Variants in PPP1R12B observed in about 807,000 individuals in gnomAD.
PPP1R12B encodes myosin phosphatase target subunit 2.
PPP1R12B carries 76 observed loss-of-function variants against 126.1 expected under a neutral mutation model. The ratio of observed to expected loss-of-function variants is 0.60; its 90% confidence interval spans 0.50 to 0.73. PPP1R12B has a LOEUF of 0.73. Ranked by LOEUF, PPP1R12B falls within the 30% of genes least tolerant of loss-of-function variation. The pLI, the probability that PPP1R12B is intolerant of heterozygous loss-of-function variation, is 0.00. For synonymous variants in PPP1R12B, 356 were observed against 434.7 expected, an observed-to-expected ratio of 0.82 and a Z score of 2.25; for missense variants, 1,052 against 1,205.1, an observed-to-expected ratio of 0.87 and a Z score of 1.88.
chr1:202,412,664 G>A (rs1486450588), intron 1 of PPP1R12B, among the ~76,000 whole-genome samples: 1 of 152,164 alleles, frequency 6.6e-6, no homozygotes, highest in Non-Finnish European at 1.5e-5. Flanking sequence ...GGTTTAGACG[G>A]CACATTTGAC....
chr1:202,545,249 A>G (rs1432006555), intron 18 of PPP1R12B, among the ~76,000 whole-genome samples: 1 of 152,204 alleles, frequency 6.6e-6, no homozygotes, highest in African/African-American at 2.4e-5. Flanking sequence ...AATAGCAGTA[A>G]TTGTTCAGCC....
intron 23 of PPP1R12B, chr1:202,575,046 C>T (rs370577381): frequency 1.3e-5 from 21 of 1,613,364 alleles, no homozygotes; most frequent in African/African-American, 4.0e-5. Context: ...AGCAGATGAA[C>T]GAGCAACTGC....
At chr1:202,395,989 C>T (rs1023207811) in intron 1 of PPP1R12B, among the ~76,000 whole-genome samples, 2 of 152,226 alleles carry the variant, frequency 1.3e-5, no homozygotes, top group African/African-American at 4.8e-5. Flanking sequence ...CCAACTCACT[C>T]ATTTCTCTGG....
rs1471782548 is a variant in PPP1R12B, at chr1:202,351,253, A to C, written c.291+2111A>C. Reference sequence around the variant, plus strand: ...TTGTTGTTGTTGTTTAAAAAAAAAAAAAACAGTGTCTCACTGTATCTCCCA... The same window carrying C: ...TTGTTGTTGTTGTTTAAAAAAAAAACAAACAGTGTCTCACTGTATCTCCCA... On this transcript the variant is annotated intron_variant, in intron 1 of 23. Transcript: ENST00000608999. 2.6e-5 allele frequency among the ~76,000 whole-genome samples: 4 copies of C among 151,680 alleles called. No homozygotes were observed. In the East Asian group the frequency reaches 5.8e-4, roughly 22 times the overall value.
Position 202,402,453 on chromosome 1 carries a change from T to G in PPP1R12B, c.292-14334T>G, listed in dbSNP as rs559585735. Reference sequence around the variant, plus strand: ...GTTTGGACTACAGGCTATGTTTTGTTGTATCATTATGCTTGATGCTTTCAG... The same window carrying G: ...GTTTGGACTACAGGCTATGTTTTGTGGTATCATTATGCTTGATGCTTTCAG... On this transcript the variant is annotated intron_variant, in intron 1 of 23. Coordinates refer to ENST00000608999, the MANE Select transcript of PPP1R12B (RefSeq NM_002481.4). Among the ~76,000 whole-genome samples the G allele has an allele frequency of 2.0e-5, 3 of 152,364 alleles. No individual in the cohort carries two copies. In the South Asian group the frequency reaches 6.2e-4, roughly 32 times the overall value.
intron 1 of PPP1R12B, among the ~76,000 whole-genome samples, chr1:202,351,266 A>G (rs545219496): frequency 6.7e-6 from 1 of 148,584 alleles, no homozygotes; most frequent in Non-Finnish European, 1.5e-5. Flanking sequence ...ACAGTGTCTC[A>G]CTGTATCTCC....
rs1316078757 is a variant in PPP1R12B at position 202,455,590 on chromosome 1, G to A, written c.1850+6419G>A. Among the ~76,000 whole-genome samples the A allele has an allele frequency of 5.3e-5, 8 of 152,098 alleles. No individual in the cohort carries two copies. In the East Asian group the frequency reaches 1.3e-3, roughly 26 times the overall value. Reference sequence around the variant, plus strand: ...AATAATATTCCATCATATAGATAATGCCACATTTTGTTTGTCCATTCATAA... The same window carrying A: ...AATAATATTCCATCATATAGATAATACCACATTTTGTTTGTCCATTCATAA... On this transcript the variant is annotated intron_variant, in intron 13 of 23. Transcript: ENST00000608999.
intron 13 of PPP1R12B, 50 bp downstream of exon 13, chr1:202,449,221 G>A (rs372826857): frequency 2.6e-5 from 40 of 1,539,632 alleles, no homozygotes; most frequent in Middle Eastern, 3.4e-4. Flanking sequence ...TGAGGTAGAC[G>A]ATAAAGGAAT....
chr1:202,446,236 C>CTCTCTCTCTCTATA (rs1491246158), intron 12 of PPP1R12B, among the ~76,000 whole-genome samples: 4 of 88,046 alleles, frequency 4.5e-5, no homozygotes, highest in South Asian at 5.7e-4. Flanking sequence ...CTCTCTCTCT[C>CTCTCTCTCTCTATA]TATATATATA....
At chr1:202,379,553 G>A (rs1571704109) in intron 1 of PPP1R12B, among the ~76,000 whole-genome samples, 1 of 152,218 alleles carries the variant, frequency 6.6e-6, no homozygotes, top group African/African-American at 2.4e-5. Flanking sequence ...TACACTGCTA[G>A]TATTCTAGTT....
rs996635167 is a variant in PPP1R12B, at chr1:202,588,831, A to AT, written c.*8272dup. On this transcript the variant is annotated 3_prime_UTR_variant, in exon 24 of 24. Coordinates refer to ENST00000608999, the MANE Select transcript of PPP1R12B (RefSeq NM_002481.4). ...GGCGTTCAAAAGAACCGTAAGATAG[A>AT]TAGATAGATAGATAGATAGATAGAT... is the stretch of plus-strand genomic sequence containing the variant. The AT allele has an allele frequency of 2.3e-5, 3 of 129,152 alleles. No individual in the cohort carries two copies. Among genetic ancestry groups the AT allele is most frequent in the South Asian group, 2.5e-4 (1 of 4,036 alleles). 8.0% of individuals were successfully genotyped at this position (129,152 alleles called of 1,614,324 possible). A position where few individuals can be genotyped will look rare whatever the true frequency, so the allele number is the denominator to read the frequency against.
chr1:202,535,151 G>A (rs1050375644), intron 18 of PPP1R12B, among the ~76,000 whole-genome samples: 2 of 151,902 alleles, frequency 1.3e-5, no homozygotes, highest in Admixed American at 6.6e-5. Flanking sequence ...AACCAAGTAA[G>A]ATTCAATGAG....
chr1:202,552,432 G>GA (rs1686422158), intron 18 of PPP1R12B, among the ~76,000 whole-genome samples: 1 of 152,172 alleles, frequency 6.6e-6, no homozygotes, highest in Non-Finnish European at 1.5e-5. Flanking sequence ...TATGAAACCA[G>GA]AATGATTCTT....
At chr1:202,472,032 T>C (rs1675981822) in intron 13 of PPP1R12B, 23 of 1,594,652 alleles carry the variant, frequency 1.4e-5, no homozygotes, top group Admixed American at 3.3e-5. Flanking sequence ...GAAGTAGGAA[T>C]TGGGGCTCTG....
chr1:202,369,132 C>T (rs1288973203), intron 1 of PPP1R12B, among the ~76,000 whole-genome samples: 3 of 152,180 alleles, frequency 2.0e-5, no homozygotes, highest in African/African-American at 7.2e-5. Flanking sequence ...GGCACGTGAA[C>T]GCAGAACACA....
intron 18 of PPP1R12B, among the ~76,000 whole-genome samples, chr1:202,552,028 G>A (rs138513502): frequency 7.7e-4 from 118 of 152,284 alleles, no homozygotes; most frequent in African/African-American, 2.7e-3. Flanking sequence ...GAACCCAGCA[G>A]AACTGTGCAG....
Position 202,348,712 on chromosome 1 carries a change from G to A in PPP1R12B, c.-140G>A. Reference sequence around the variant, plus strand: ...GAGCGTGCGGGCGGTACTACTGGCGGGAGGAGTAAAGATGGCGGCGCGAGG... The same window carrying A: ...GAGCGTGCGGGCGGTACTACTGGCGAGAGGAGTAAAGATGGCGGCGCGAGG... On this transcript the variant is annotated 5_prime_UTR_variant, in exon 1 of 24. Transcript: ENST00000608999. The A allele has an allele frequency of 9.1e-7, 1 of 1,096,054 alleles. No homozygotes were observed. Among genetic ancestry groups the A allele is most frequent in the Non-Finnish European group, 1.3e-6 (1 of 781,890 alleles). 67.9% of individuals were successfully genotyped at this position (1,096,054 alleles called of 1,614,324 possible). A position where few individuals can be genotyped will look rare whatever the true frequency, so the allele number is the denominator to read the frequency against.
intron 10 of PPP1R12B, chr1:202,439,340 T>C: frequency 7.1e-7 from 1 of 1,401,618 alleles, no homozygotes; most frequent in Non-Finnish European, 1.0e-6. Flanking sequence ...AGCTGGAACC[T>C]TCCAACAAGA....
chr1:202,562,561 G>A (rs1313313171), intron 19 of PPP1R12B: 2 of 710,962 alleles, frequency 2.8e-6, no homozygotes, highest in African/African-American at 3.5e-5. Context: ...TTCATTCTTG[G>A]CAAATGATGG....
Sources: gnomAD v4.1 joint callset for allele counts (sites outside exome capture counted in the v4.1 genomes callset) on GRCh38, gnomAD v4.1.1 for gene constraint, MANE v1.5 for transcripts, NCBI Gene and HGNC (gene_info 2026-07-23, HGNC 2026-07-21) for gene names.